The following SLC24A3 variants were observed in gnomAD, a reference collection of about 807,000 sequenced individuals.
SLC24A3 encodes solute carrier family 24 member 3.
In SLC24A3, 28 loss-of-function variants were observed where a neutral mutation model predicts 75.8. That is an observed-to-expected ratio of 0.37 (90% CI 0.27 to 0.51). The LOEUF (loss-of-function observed/expected upper bound fraction) is 0.51. SLC24A3 is among the 20% of genes least tolerant of loss of function. SLC24A3 has a pLI of 0.94. For synonymous variants in SLC24A3, 372 were observed against 334.1 expected (o/e 1.11, Z -1.24); for missense variants, 663 against 847.8 (o/e 0.78, Z 2.71).
At chr20:19,446,878 C>T (rs6136735) in intron 2 of SLC24A3, among the ~76,000 whole-genome samples, 6,110 of 152,300 alleles carry the variant, frequency 0.04, 428 homozygotes, top group East Asian at 0.33. Context: ...CAGCCCATGT[C>T]TGCCACCAGA....
At chr20:19,490,633 AG>A (rs1988195640) in intron 2 of SLC24A3, among the ~76,000 whole-genome samples, 1 of 152,218 alleles carries the variant, frequency 6.6e-6, no homozygotes, top group South Asian at 2.1e-4. Flanking sequence ...GTTAGGGTGA[AG>A]ATTTTGCCAA....
At chr20:19,323,697 A>G (rs1004765190) in intron 2 of SLC24A3, among the ~76,000 whole-genome samples, 4 of 152,170 alleles carry the variant, frequency 2.6e-5, no homozygotes, top group Non-Finnish European at 4.4e-5. Flanking sequence ...GACTTTAGCT[A>G]CTATTTATAC....
intron 2 of SLC24A3, among the ~76,000 whole-genome samples, chr20:19,406,674 G>T (rs1600468236): frequency 6.6e-6 from 1 of 152,180 alleles, no homozygotes; most frequent in East Asian, 1.9e-4. Flanking sequence ...CTGAAAGGTA[G>T]CACAGAGGGG....
intron 2 of SLC24A3, among the ~76,000 whole-genome samples, chr20:19,466,474 A>G (rs967783184): frequency 3.3e-5 from 5 of 152,210 alleles, no homozygotes; most frequent in African/African-American, 1.2e-4. Flanking sequence ...TGGAGAGCAA[A>G]GCATAATCCC....
chr20:19,390,764 T>G (rs1986352199), intron 2 of SLC24A3, among the ~76,000 whole-genome samples: 1 of 151,944 alleles, frequency 6.6e-6, no homozygotes, highest in South Asian at 2.1e-4. Flanking sequence ...GCAGGGAGGC[T>G]GCATCTACAG....
intron 6 of SLC24A3, among the ~76,000 whole-genome samples, chr20:19,595,863 G>T (rs1334749405): frequency 6.6e-6 from 1 of 152,148 alleles, no homozygotes; most frequent in Non-Finnish European, 1.5e-5. Context: ...GTGTCTCAAA[G>T]AAACCCCAAA....
rs552768064 is a variant in SLC24A3, at chr20:19,438,669, G to A, written c.272-76819G>A. On this transcript the variant is annotated intron_variant, in intron 2 of 16. Transcript: ENST00000328041. ...TAGTGTAGACACCAAGCCACTCATT[G>A]GCCTCTGCACCCAGCATCCCCACAG... is the stretch of plus-strand genomic sequence containing the variant. Among the ~76,000 whole-genome samples the A allele has an allele frequency of 9.2e-5, 14 of 152,104 alleles. No homozygotes were observed. In the East Asian group the frequency reaches 2.7e-3, roughly 30 times the overall value.
rs1046500420 is a variant in SLC24A3 at position 19,545,895 on chromosome 20, C to T, written c.348+30331C>T. Among the ~76,000 whole-genome samples the T allele has an allele frequency of 2.1e-4, 32 of 152,136 alleles. 1 individual carries two copies. Among genetic ancestry groups the T allele is most frequent in the Non-Finnish European group, 4.3e-4 (29 of 67,974 alleles). ...CATCGACCGGCCAGGCATGGTGGCT[C>T]ACACTTGTAATCCCAGCACTTTGGG... On this transcript the variant is annotated intron_variant, in intron 3 of 16. Transcript: ENST00000328041.
chr20:19,464,931 T>C (rs928676913), intron 2 of SLC24A3, among the ~76,000 whole-genome samples: 37 of 152,254 alleles, frequency 2.4e-4, no homozygotes, highest in Admixed American at 1.5e-3. Context: ...ACAGCAGCGC[T>C]GTCCAGTGGA....
chr20:19,608,707 A>G (rs1199446766), intron 6 of SLC24A3, among the ~76,000 whole-genome samples: 2 of 152,182 alleles, frequency 1.3e-5, no homozygotes, highest in Admixed American at 1.3e-4. Flanking sequence ...TTCTTCGTTG[A>G]TCTAAGTTCA....
chr20:19,236,752 T>C (rs1982180839), intron 1 of SLC24A3, among the ~76,000 whole-genome samples: 1 of 152,022 alleles, frequency 6.6e-6, no homozygotes, highest in African/African-American at 2.4e-5. Flanking sequence ...TGAGACCCTG[T>C]CTCAAAAACA....
intron 7 of SLC24A3, among the ~76,000 whole-genome samples, chr20:19,664,663 G>A (rs1377855450): frequency 6.6e-6 from 1 of 152,158 alleles, no homozygotes; most frequent in East Asian, 1.9e-4. Flanking sequence ...AAGTTGTGAT[G>A]GCAGTTGACA....
At chr20:19,666,096 G>A (rs939273342) in intron 8 of SLC24A3, among the ~76,000 whole-genome samples, 41 of 152,098 alleles carry the variant, frequency 2.7e-4, no homozygotes, top group African/African-American at 9.9e-4. Context: ...GGGCTAGAGT[G>A]GTGGGGTTCT....
At chr20:19,367,501 T>TA (rs398035483) in intron 2 of SLC24A3, among the ~76,000 whole-genome samples, 3 of 151,394 alleles carry the variant, frequency 2.0e-5, no homozygotes, top group African/African-American at 2.4e-5. Flanking sequence ...TTTTTTTTTT[T>TA]AAACCCTGCT....
chr20:19,298,759 G>C (rs1432433195), intron 2 of SLC24A3, among the ~76,000 whole-genome samples: 1 of 152,184 alleles, frequency 6.6e-6, no homozygotes, highest in African/African-American at 2.4e-5. Flanking sequence ...GAAATAGTTG[G>C]TATCATTCCC....
intron 3 of SLC24A3, among the ~76,000 whole-genome samples, chr20:19,553,808 CAT>C (rs1303326733): frequency 6.6e-6 from 1 of 152,042 alleles, no homozygotes; most frequent in Admixed American, 6.6e-5. Flanking sequence ...CCAGGGGAAA[CAT>C]AAAATATTTG....
chr20:19,676,635 T>C (rs1441536952), intron 9 of SLC24A3, among the ~76,000 whole-genome samples: 6 of 152,216 alleles, frequency 3.9e-5, no homozygotes, highest in Non-Finnish European at 8.8e-5. Context: ...AAAAACAGCA[T>C]ATATTAGAAT....
chr20:19,426,690 G>C (rs780719925), intron 2 of SLC24A3, among the ~76,000 whole-genome samples: 13 of 152,144 alleles, frequency 8.5e-5, no homozygotes, highest in Non-Finnish European at 1.9e-4. Flanking sequence ...GTGAGATGTT[G>C]CCACATTCCA....
At chr20:19,262,230 C>G (rs1275169020) in intron 1 of SLC24A3, among the ~76,000 whole-genome samples, 1 of 151,034 alleles carries the variant, frequency 6.6e-6, no homozygotes, top group African/African-American at 2.4e-5. Flanking sequence ...AGTGAAACCC[C>G]GTCTCTACTA....
Sources: gnomAD v4.1 joint callset for allele counts (sites outside exome capture counted in the v4.1 genomes callset) on GRCh38, gnomAD v4.1.1 for gene constraint, MANE v1.5 for transcripts, NCBI Gene and HGNC (gene_info 2026-07-23, HGNC 2026-07-21) for gene names.